PCDHGB6: variants seen among roughly 807,000 people sequenced by gnomAD.
The protein encoded by PCDHGB6 is protocadherin gamma-B6.
In PCDHGB6, 51 loss-of-function variants were observed where a neutral mutation model predicts 59.1. That is an observed-to-expected ratio of 0.86 (90% confidence interval 0.69 to 1.09). The LOEUF (loss-of-function observed/expected upper bound fraction) is 1.09. PCDHGB6 is among the 50% of genes least tolerant of loss of function. The pLI is 0.00. For synonymous variants in PCDHGB6, 466 were observed against 495.1 expected (o/e 0.94, Z 0.78); for missense variants, 1,148 against 1,205.1 (o/e 0.95, Z 0.70).
chr5:141,431,227 C>G lies in PCDHGB6; in HGVS notation c.2418+20607C>G. ...CTGAGATGCGGTTCCCTCTACCCCA[C>G]GCCTGGGATCCGGATATCGGGAAGA... On this transcript the variant is annotated intron_variant, in intron 1 of 3. Coordinates refer to ENST00000520790, the MANE Select transcript of PCDHGB6 (RefSeq NM_018926.3). This position sits in a 1 kb window ranked among gnomAD's most constrained non-coding sequence, Gnocchi z 4.8. 6.2e-7 allele frequency: 1 copy of G among 1,614,180 alleles called. No individual in the cohort carries two copies. Among genetic ancestry groups the G allele is most frequent in the Non-Finnish European group, 8.5e-7 (1 of 1,180,042 alleles).
Position 141,486,672 on chromosome 5 carries a change from G to A in PCDHGB6, c.2419-8135G>A. The A allele has an allele frequency of 5.0e-6, 8 of 1,614,000 alleles. No homozygotes were observed. Among genetic ancestry groups the A allele is most frequent in the Non-Finnish European group, 5.9e-6 (7 of 1,180,028 alleles). On this transcript the variant is annotated intron_variant, in intron 1 of 3. Coordinates refer to ENST00000520790, the MANE Select transcript of PCDHGB6 (RefSeq NM_018926.3). This position sits in a 1 kb window ranked among gnomAD's most constrained non-coding sequence, Gnocchi z 5.0. Reference sequence around the variant, plus strand: ...TACTCACTCCTGGAGCCCAGGAATCGAGATGTATCAGCTTCCTCTTTCATC... The same window carrying A: ...TACTCACTCCTGGAGCCCAGGAATCAAGATGTATCAGCTTCCTCTTTCATC...
chr5:141,419,469 A>G, intron 1 of PCDHGB6: 1 of 1,612,490 alleles, frequency 6.2e-7, no homozygotes, highest in South Asian at 1.1e-5. Context: ...GCCCGCGACC[A>G]GGGCTCGCCC....
At chr5:141,451,812 C>T (rs974567828) in intron 1 of PCDHGB6, among the ~76,000 whole-genome samples, 1 of 149,686 alleles carries the variant, frequency 6.7e-6, no homozygotes, top group Non-Finnish European at 1.5e-5. Context: ...ACCCAGGAGG[C>T]GGAGGTTACA....
chr5:141,419,647 G>C (rs370948584), intron 1 of PCDHGB6: 6 of 1,612,592 alleles, frequency 3.7e-6, no homozygotes, highest in Non-Finnish European at 5.1e-6. Context: ...CCGTGGACGC[G>C]GACTCGGGGC....
chr5:141,430,715 A>G (rs1210053402), intron 1 of PCDHGB6: 3 of 1,483,264 alleles, frequency 2.0e-6, no homozygotes, highest in East Asian at 4.7e-5. Context: ...TCCTGACTTC[A>G]GTGGTTAAGG....
chr5:141,468,845 A>G (rs1426852752), intron 1 of PCDHGB6, among the ~76,000 whole-genome samples: 3 of 152,150 alleles, frequency 2.0e-5, no homozygotes, highest in Non-Finnish European at 2.9e-5. Flanking sequence ...CAGCCTGGGC[A>G]ACAGAGCGAG....
rs562192762 is a variant in PCDHGB6, at chr5:141,485,718, T to C, written c.2419-9089T>C. 1 of 1,614,058 alleles carries C rather than the reference T, an allele frequency of 6.2e-7. No homozygotes were observed. The highest frequency in any genetic ancestry group is 2.2e-5 in the East Asian group (1 of 44,866). On this transcript the variant is annotated intron_variant, in intron 1 of 3. Coordinates refer to ENST00000520790, the MANE Select transcript of PCDHGB6 (RefSeq NM_018926.3). This position sits in a 1 kb window ranked among gnomAD's most constrained non-coding sequence, Gnocchi z 5.7. ...TCCAATGAACACTTTGCACTGGATG[T>C]GAAGAAGCGCAGCGACGGCAGCCTG...
In PCDHGB6 at chr5:141,409,316, C is replaced by T. The variant is rs114361948; in HGVS notation, c.1114C>T (p.Arg372Trp). 56 of 1,613,968 alleles carry T rather than the reference C, an allele frequency of 3.5e-5. No individual in the cohort carries two copies. The African/African-American group carries it at 6.5e-4, about 19-fold the overall frequency. Residue 372 changes from arginine (R) to tryptophan (W), a missense_variant, in exon 1 of 4, where the codon CGG becomes TGG. Physicochemically the swap from Arg to Trp is moderately radical, Grantham distance 101. This residue lies in a region of PCDHGB6 where 549 missense variants were observed against 527.5 expected (regional missense o/e 1.04). Transcript: ENST00000520790. ...PGMVVALFKT[R>W]DLDFGGNGEV... ...AATGGTTGTTGCCCTCTTCAAAACA[C>T]GGGATCTGGATTTCGGAGGAAATGG...
At chr5:141,418,147 C>T (rs781655205) in intron 1 of PCDHGB6, 3 of 1,614,040 alleles carry the variant, frequency 1.9e-6, no homozygotes, top group Admixed American at 3.3e-5. Flanking sequence ...AGCAAATATG[C>T]AAAGAGAGAA....
chr5:141,482,363 G>C (rs2099556985), intron 1 of PCDHGB6, among the ~76,000 whole-genome samples: 1 of 152,086 alleles, frequency 6.6e-6, no homozygotes, highest in African/African-American at 2.4e-5. Flanking sequence ...AGAGTGAAAA[G>C]TAATGCATAT....
chr5:141,477,765 A>C lies in PCDHGB6; in HGVS notation c.2419-17042A>C, dbSNP rs752391870. The C allele has an allele frequency of 6.2e-7, 1 of 1,614,026 alleles. No individual in the cohort carries two copies. Among genetic ancestry groups the C allele is most frequent in the Non-Finnish European group, 8.5e-7 (1 of 1,180,036 alleles). Reference sequence around the variant, plus strand: ...GGGGGCACCCCGGTCCTAGCCACCAACATCAGCGTGAACATATTTGTCACT... The same window carrying C: ...GGGGGCACCCCGGTCCTAGCCACCACCATCAGCGTGAACATATTTGTCACT... On this transcript the variant is annotated intron_variant, in intron 1 of 3. Coordinates refer to ENST00000520790, the MANE Select transcript of PCDHGB6 (RefSeq NM_018926.3). The surrounding 1 kb of genome is among the most constrained non-coding windows in gnomAD (Gnocchi z 4.9).
rs150249178 is a variant in PCDHGB6 at position 141,432,742 on chromosome 5, C to A, written c.2418+22122C>A. 154 of 1,614,076 alleles carry A rather than the reference C, an allele frequency of 9.5e-5. No individual in the cohort carries two copies. In the Middle Eastern group the frequency reaches 1.3e-3, roughly 14 times the overall value. On this transcript the variant is annotated intron_variant, in intron 1 of 3. Transcript: ENST00000520790. This position sits in a 1 kb window ranked among gnomAD's most constrained non-coding sequence, Gnocchi z 6.0. ...CTCTCTCCGCCACTGTCACGCTCAC[C>A]GTGGCCGTGGCCGACAGCATCCCCC... is the stretch of plus-strand genomic sequence containing the variant.
At position 141,486,059 on chromosome 5, in the gene PCDHGB6, C is replaced by T. The variant is rs141349392; in HGVS notation, c.2419-8748C>T. ...TCGTGTAAGAAACCTCTTTAGCCTG[C>T]ACCCCACTACTGGAAAGCTTACTCT... On this transcript the variant is annotated intron_variant, in intron 1 of 3. Transcript: ENST00000520790. The surrounding 1 kb of genome is among the most constrained non-coding windows in gnomAD (Gnocchi z 5.0). The T allele has an allele frequency of 9.0e-5, 146 of 1,614,034 alleles. No individual in the cohort carries two copies. The highest frequency in any genetic ancestry group is 1.2e-4 in the Non-Finnish European group (138 of 1,180,018).
chr5:141,477,512 A>G lies in PCDHGB6; in HGVS notation c.2419-17295A>G. 1.9e-6 allele frequency: 3 copies of G among 1,614,156 alleles called. No homozygotes were observed. Among genetic ancestry groups the G allele is most frequent in the South Asian group, 2.2e-5 (2 of 91,072 alleles). ...TTCTCAATCTTCCTACGACGTTTAC[A>G]TTGAAGAAAACAACCTCCCCGGGGC... On this transcript the variant is annotated intron_variant, in intron 1 of 3. Transcript: ENST00000520790. This position sits in a 1 kb window ranked among gnomAD's most constrained non-coding sequence, Gnocchi z 4.9.
chr5:141,500,176 A>ATTTT (rs1468241826), intron 2 of PCDHGB6, among the ~76,000 whole-genome samples: 91 of 145,916 alleles, frequency 6.2e-4, no homozygotes, highest in African/African-American at 2.3e-3. Context: ...CATGAGCTTC[A>ATTTT]TTTTTATTTT....
chr5:141,424,052 G>A, intron 1 of PCDHGB6: 1 of 1,012,010 alleles, frequency 9.9e-7, no homozygotes, highest in South Asian at 4.7e-5. Flanking sequence ...CAATTTTGCT[G>A]TGCCTTCACT....
chr5:141,415,194 C>T (rs1252476580), intron 1 of PCDHGB6: 2 of 1,614,064 alleles, frequency 1.2e-6, no homozygotes, highest in Non-Finnish European at 1.7e-6. Context: ...ACAGCATCCC[C>T]CAAGTCCTGG....
Position 141,486,344 on chromosome 5 carries a change from G to C in PCDHGB6, c.2419-8463G>C. 6.2e-7 allele frequency: 1 copy of C among 1,614,062 alleles called. No homozygotes were observed. The highest frequency in any genetic ancestry group is 8.5e-7 in the Non-Finnish European group (1 of 1,180,022). On this transcript the variant is annotated intron_variant, in intron 1 of 3. Transcript: ENST00000520790. The surrounding 1 kb of genome is among the most constrained non-coding windows in gnomAD (Gnocchi z 5.0). Reference sequence around the variant, plus strand: ...CGGAGATGTGAGCCTCCGCATTCCTGACCACTTGCCATTTGCCCTCAAGTC... The same window carrying C: ...CGGAGATGTGAGCCTCCGCATTCCTCACCACTTGCCATTTGCCCTCAAGTC...
At chr5:141,507,862 G>A (rs17286954) in intron 3 of PCDHGB6, among the ~76,000 whole-genome samples, 4 of 152,076 alleles carry the variant, frequency 2.6e-5, no homozygotes, top group African/African-American at 7.2e-5. Flanking sequence ...TTTCACACCC[G>A]CTTCCTAGCC....
Sources: gnomAD v4.1 joint callset for allele counts (sites outside exome capture counted in the v4.1 genomes callset) on GRCh38, gnomAD v4.1.1 for gene constraint, gnomAD v4.1.1 regional missense constraint, Gnocchi (gnomAD v3.1) non-coding constraint, MANE v1.5 for transcripts, NCBI Gene and HGNC (gene_info 2026-07-23, HGNC 2026-07-21) for gene names.